Variants in LHX4 observed in about 807,000 individuals in gnomAD.
LHX4 encodes LIM/homeobox protein Lhx4.
Under a neutral mutation model 39.2 loss-of-function variants are expected in LHX4, and 16 were observed. That is an observed-to-expected ratio of 0.41 (90% CI 0.28 to 0.62). The LOEUF (loss-of-function observed/expected upper bound fraction) is 0.62, where lower values mean the gene tolerates loss of function less well. LHX4 is among the 20% of genes least tolerant of loss of function. The pLI, the probability that LHX4 is intolerant of heterozygous loss-of-function variation, is 0.33. For missense variants in LHX4, 439 were observed against 511.9 expected (o/e 0.86, Z 1.37); for synonymous variants, 206 against 198.1 (o/e 1.04, Z -0.33).
chr1:180,271,131 G>A, intron 3 of LHX4: 2 of 564,626 alleles, frequency 3.5e-6, no homozygotes, highest in East Asian at 3.1e-5. Context: ...TGGCAGGGGA[G>A]GGTTGAGGCA....
intron 1 of LHX4, among the ~76,000 whole-genome samples, chr1:180,241,981 C>T (rs1436764434): frequency 6.6e-6 from 1 of 151,456 alleles, no homozygotes; most frequent in South Asian, 2.1e-4. Flanking sequence ...CTATGCCTGG[C>T]GATTTTTTTT....
At chr1:180,261,889 T>G (rs1648127366) in intron 2 of LHX4, among the ~76,000 whole-genome samples, 1 of 152,206 alleles carries the variant, frequency 6.6e-6, no homozygotes, top group African/African-American at 2.4e-5. Context: ...CAAACAGTCC[T>G]TCGGGAAGAA....
chr1:180,243,995 A>G (rs1162106644), intron 1 of LHX4, among the ~76,000 whole-genome samples: 1 of 152,086 alleles, frequency 6.6e-6, no homozygotes, highest in Non-Finnish European at 1.5e-5. Context: ...TATTGGTTGG[A>G]ATTCTGGCTC....
chr1:180,229,184 C>A (rs1664095090), upstream of LHX4, among the ~76,000 whole-genome samples: 1 of 152,252 alleles, frequency 6.6e-6, no homozygotes, highest in African/African-American at 2.4e-5. Flanking sequence ...CGCTGGTTAA[C>A]CCCGGCGTCC....
At chr1:180,258,816 GTAA>G (rs985117965) in intron 2 of LHX4, among the ~76,000 whole-genome samples, 9 of 151,280 alleles carry the variant, frequency 5.9e-5, no homozygotes, top group Admixed American at 2.0e-4. Context: ...AATAATAATA[GTAA>G]TAATAATGAT....
At chr1:180,248,790 T>C (rs955771106) in intron 2 of LHX4, 1 of 379,630 alleles carries the variant, frequency 2.6e-6, no homozygotes, top group African/African-American at 2.1e-5. Context: ...AGAGTTGCTC[T>C]TTCTGTCCTG....
rs1389219195 is a variant in LHX4 at position 180,271,996 on chromosome 1, G to C, written c.768G>C (p.Leu256=). The change falls in exon 5 of 6, where the codon CTG becomes CTC. Residue 256 remains leucine (L), a synonymous_variant. Transcript: ENST00000263726. ...AEDCGVSDSE[L]SFREDQILSE... ...ACTGTGGGGTTAGTGACAGTGAGCT[G>C]AGCTTCCGAGGTGAGCAGGGCTGGA... 1.9e-6 allele frequency: 3 copies of C among 1,612,404 alleles called. No individual in the cohort carries two copies. Among genetic ancestry groups the C allele is most frequent in the Non-Finnish European group, 2.5e-6 (3 of 1,179,616 alleles).
chr1:180,248,506 C>T, intron 2 of LHX4, 50 bp downstream of exon 2: 2 of 1,601,298 alleles, frequency 1.2e-6, no homozygotes, highest in Non-Finnish European at 1.7e-6. Flanking sequence ...CTGCCTCTCC[C>T]CAAGCAGTGA....
chr1:180,242,549 G>A (rs927439157), intron 1 of LHX4, among the ~76,000 whole-genome samples: 1 of 152,106 alleles, frequency 6.6e-6, no homozygotes, highest in African/African-American at 2.4e-5. Context: ...GTGCGTGTGA[G>A]GATGTCTGTA....
upstream of LHX4, among the ~76,000 whole-genome samples, chr1:180,229,064 G>A (rs1664091216): frequency 1.3e-5 from 2 of 152,328 alleles, no homozygotes; most frequent in South Asian, 4.1e-4. Context: ...TCCCAGCGTT[G>A]GGCCTTCTGT....
intron 2 of LHX4, among the ~76,000 whole-genome samples, chr1:180,257,701 C>A (rs1647916255): frequency 6.6e-6 from 1 of 152,190 alleles, no homozygotes; most frequent in Non-Finnish European, 1.5e-5. Flanking sequence ...ATACGGCCAG[C>A]AGTAAATCAC....
At chr1:180,258,107 T>C (rs1366974391) in intron 2 of LHX4, among the ~76,000 whole-genome samples, 1 of 152,234 alleles carries the variant, frequency 6.6e-6, no homozygotes, top group Non-Finnish European at 1.5e-5. Flanking sequence ...ATAAAGACCC[T>C]GCTGTTGCAG....
chr1:180,260,070 C>T (rs1326082824), intron 2 of LHX4, among the ~76,000 whole-genome samples: 1 of 151,490 alleles, frequency 6.6e-6, no homozygotes, highest in Non-Finnish European at 1.5e-5. Flanking sequence ...GAGGGTGAGC[C>T]TGAGTTAAGT....
chr1:180,257,488 ACC>A (rs974487639), intron 2 of LHX4, among the ~76,000 whole-genome samples: 91 of 151,616 alleles, frequency 6.0e-4, no homozygotes, highest in African/African-American at 2.1e-3. Flanking sequence ...TCCAAATAGG[ACC>A]CCCGTCTGTG....
chr1:180,248,545 G>T, intron 2 of LHX4, 89 bp downstream of exon 2: 1 of 1,443,252 alleles, frequency 6.9e-7, no homozygotes, highest in Non-Finnish European at 9.6e-7. Flanking sequence ...GGTAGGCCAG[G>T]GAGGGTGGAG....
chr1:180,243,380 G>A (rs547821298), intron 1 of LHX4, among the ~76,000 whole-genome samples: 9 of 152,158 alleles, frequency 5.9e-5, no homozygotes, highest in African/African-American at 1.7e-4. Flanking sequence ...TCAGGAGGAG[G>A]AGATCCGGTT....
In LHX4 at chr1:180,266,656, C is replaced by T; in HGVS notation, c.451+62C>T. On this transcript the variant is annotated intron_variant, in intron 3 of 5. Transcript: ENST00000263726. This position sits in a 1 kb window ranked among gnomAD's most constrained non-coding sequence, Gnocchi z 5.7. ...CCTTTGTTTGGGCCACGCCCTCTGC[C>T]TGAGGTGCCCTTCTCATGGCGTCCC... is the stretch of plus-strand genomic sequence containing the variant. 1.3e-6 allele frequency: 2 copies of T among 1,517,754 alleles called. No homozygotes were observed. The highest frequency in any genetic ancestry group is 1.8e-5 in the Admixed American group (1 of 54,112). 94.0% of individuals were successfully genotyped at this position (1,517,754 alleles called of 1,614,324 possible). A position where few individuals can be genotyped will look rare whatever the true frequency, so the allele number is the denominator to read the frequency against.
In LHX4 at chr1:180,234,169, TTATATATATATA is replaced by T. The variant is rs777438399; in HGVS notation, c.76+3605_76+3616del. ...AACAGACACACACAACACACACAAATTATATATATATATATATATATATATATATATATATAT... is the reference window on the plus strand; with the variant it reads ...AACAGACACACACAACACACACAAATTATATATATATATATATATATATAT... On this transcript the variant is annotated intron_variant, in intron 1 of 5. Transcript: ENST00000263726. The surrounding 1 kb of genome is among the most constrained non-coding windows in gnomAD (Gnocchi z 4.8). Among the ~76,000 whole-genome samples, 730 of 53,486 alleles carry T rather than the reference TTATATATATATA, an allele frequency of 0.014. 11 individuals carry two copies. The highest frequency in any genetic ancestry group is 0.022 in the African/African-American group (307 of 13,878). The allele number at this position is 53,486 out of a possible 152,430, so 35.1% of individuals were successfully genotyped here.
At chr1:180,260,491 C>T (rs1648070227) in intron 2 of LHX4, among the ~76,000 whole-genome samples, 1 of 151,756 alleles carries the variant, frequency 6.6e-6, no homozygotes, top group South Asian at 2.1e-4. Context: ...AAATCAACAG[C>T]AGCAGGAGCT....
Sources: allele counts gnomAD v4.1 joint callset (sites outside exome capture counted in the v4.1 genomes callset), GRCh38; gene constraint gnomAD v4.1.1; non-coding constraint Gnocchi (gnomAD v3.1); transcripts MANE v1.5; gene names NCBI Gene and HGNC (gene_info 2026-07-23, HGNC 2026-07-21).